The following SLC10A7 variants were observed in gnomAD, a reference collection of about 807,000 sequenced individuals.
SLC10A7 encodes solute carrier family 10 member 7.
In SLC10A7, 29 loss-of-function variants were observed where a neutral mutation model predicts 43.2. The ratio of observed to expected loss-of-function variants is 0.67; its 90% CI spans 0.50 to 0.92. The LOEUF is 0.92. SLC10A7 is among the 40% of genes least tolerant of loss of function. The probability of loss-of-function intolerance (pLI) is 0.00; values close to 1 mark genes in which losing one functional copy is unlikely to be tolerated. For synonymous variants in SLC10A7, 152 were observed against 144.8 expected, an observed-to-expected ratio of 1.05 and a Z score of -0.35; for missense variants, 295 against 403.2, an observed-to-expected ratio of 0.73 and a Z score of 2.30.
intron 3 of SLC10A7, 80 bp downstream of exon 3, chr4:146,509,833 T>A (rs1291536247): frequency 1.5e-6 from 2 of 1,353,894 alleles, no homozygotes; most frequent in Admixed American, 4.7e-5. Flanking sequence ...AGCCCTTTTG[T>A]ATATAGTTGC....
At position 146,395,629 on chromosome 4, in the gene SLC10A7, C is replaced by A. The variant is rs957035990; in HGVS notation, c.435+47154G>T. ...TGAGTGAACTGGAGTCAGGTGCTGA[C>A]ACATATATTTGCTCCCAACATACAC... On this transcript the variant is annotated intron_variant, in intron 5 of 11. Coordinates refer to ENST00000335472, the MANE Select transcript of SLC10A7 (RefSeq NM_001029998.6). 1.3e-4 allele frequency among the ~76,000 whole-genome samples: 20 copies of A among 152,154 alleles called. No individual in the cohort carries two copies. In the South Asian group the frequency reaches 2.9e-3, roughly 22 times the overall value.
chr4:146,387,764 T>C (rs1003261918), intron 5 of SLC10A7, among the ~76,000 whole-genome samples: 2 of 152,168 alleles, frequency 1.3e-5, no homozygotes, highest in Non-Finnish European at 2.9e-5. Context: ...CAAAAATCAG[T>C]AACATTTCTA....
At chr4:146,442,190 G>A (rs184304718) in intron 5 of SLC10A7, 129 of 966,638 alleles carry the variant, frequency 1.3e-4, no homozygotes, top group Admixed American at 3.1e-4. Flanking sequence ...CTAAAACAAC[G>A]TCCTTATATT....
chr4:146,409,466 A>C (rs1232070206), intron 5 of SLC10A7, among the ~76,000 whole-genome samples: 1 of 151,056 alleles, frequency 6.6e-6, no homozygotes, highest in African/African-American at 2.4e-5. Flanking sequence ...GCTGGGAGGG[A>C]GGGGGATAGA....
chr4:146,385,246 C>A (rs1431419696), intron 5 of SLC10A7, among the ~76,000 whole-genome samples: 1 of 152,054 alleles, frequency 6.6e-6, no homozygotes, highest in Non-Finnish European at 1.5e-5. Flanking sequence ...TTCTGTGTGG[C>A]AGGTGCTTCA....
chr4:146,351,143 A>C (rs1377182217), intron 5 of SLC10A7, among the ~76,000 whole-genome samples: 16 of 148,732 alleles, frequency 1.1e-4, no homozygotes, highest in South Asian at 2.1e-4. Flanking sequence ...AAAAAAATTT[A>C]GAAGAATGTA....
chr4:146,468,395 G>A (rs2149956034), intron 4 of SLC10A7, among the ~76,000 whole-genome samples: 1 of 151,948 alleles, frequency 6.6e-6, no homozygotes, highest in South Asian at 2.1e-4. Flanking sequence ...ATTTTAATGT[G>A]GGAAAAAGGA....
intron 5 of SLC10A7, among the ~76,000 whole-genome samples, chr4:146,432,744 A>G (rs1412705618): frequency 6.6e-6 from 1 of 152,192 alleles, no homozygotes; most frequent in Non-Finnish European, 1.5e-5. Context: ...CTGTATAGAA[A>G]TTATACCTCA....
rs1347619135 is a variant in SLC10A7, at chr4:146,351,176, C to G, written c.436-25180G>C. Reference sequence around the variant, plus strand: ...GTATAACTAGAATAACCAATACAGACAAGTGCTTAAAGGAGCTGATGGAGC... The same window carrying G: ...GTATAACTAGAATAACCAATACAGAGAAGTGCTTAAAGGAGCTGATGGAGC... On this transcript the variant is annotated intron_variant, in intron 5 of 11. Transcript: ENST00000335472. Among the ~76,000 whole-genome samples, 506 of 150,234 alleles carry G rather than the reference C, an allele frequency of 3.4e-3. 4 individuals carry two copies. The highest frequency in any genetic ancestry group is 0.012 in the African/African-American group (474 of 40,050).
At chr4:146,386,981 A>G (rs184375823) in intron 5 of SLC10A7, among the ~76,000 whole-genome samples, 38 of 152,378 alleles carry the variant, frequency 2.5e-4, no homozygotes, top group East Asian at 1.2e-3. Context: ...AAATCACTGA[A>G]TAAATGTATG....
chr4:146,364,921 T>C (rs547700133), intron 5 of SLC10A7, among the ~76,000 whole-genome samples: 107 of 152,170 alleles, frequency 7.0e-4, no homozygotes, highest in African/African-American at 2.6e-3. Context: ...TACATATCTA[T>C]AAAAGTTAAA....
chr4:146,371,790 G>A (rs150164465), intron 5 of SLC10A7, among the ~76,000 whole-genome samples: 224 of 152,238 alleles, frequency 1.5e-3, no homozygotes, highest in African/African-American at 4.5e-3. Flanking sequence ...GGCCTCACTT[G>A]TAATAAGTAT....
intron 5 of SLC10A7, among the ~76,000 whole-genome samples, chr4:146,351,754 T>G (rs2149745318): frequency 7.0e-6 from 1 of 143,034 alleles, no homozygotes; most frequent in Admixed American, 6.9e-5. Flanking sequence ...GAAAAGAATT[T>G]TCAACCCAGA....
chr4:146,316,906 T>A (rs1214419123), intron 6 of SLC10A7, among the ~76,000 whole-genome samples: 1 of 152,104 alleles, frequency 6.6e-6, no homozygotes, highest in African/African-American at 2.4e-5. Flanking sequence ...AATGTAACAT[T>A]TGCTTGGCTC....
intron 5 of SLC10A7, among the ~76,000 whole-genome samples, chr4:146,402,751 A>G (rs1739310692): frequency 6.6e-6 from 1 of 152,158 alleles, no homozygotes; most frequent in Non-Finnish European, 1.5e-5. Flanking sequence ...AAGACATTCC[A>G]TTTTGGGGGG....
intron 4 of SLC10A7, among the ~76,000 whole-genome samples, chr4:146,450,950 CT>C (rs1731528465): frequency 6.6e-6 from 1 of 151,166 alleles, no homozygotes; most frequent in Admixed American, 6.6e-5. Flanking sequence ...TGTGAGAAAG[CT>C]GTATGACAAG....
At chr4:146,342,103 G>A (rs959188090) in intron 5 of SLC10A7, among the ~76,000 whole-genome samples, 1 of 151,618 alleles carries the variant, frequency 6.6e-6, no homozygotes, top group Non-Finnish European at 1.5e-5. Flanking sequence ...AATTTATACA[G>A]TTTTCTTAAG....
intron 5 of SLC10A7, among the ~76,000 whole-genome samples, chr4:146,371,093 T>A (rs1022632110): frequency 5.9e-5 from 9 of 152,330 alleles, no homozygotes; most frequent in African/African-American, 2.2e-4. Flanking sequence ...ATAGATATGC[T>A]TCTTGCCCAC....
intron 5 of SLC10A7, among the ~76,000 whole-genome samples, chr4:146,387,248 C>A (rs998306251): frequency 2.0e-5 from 3 of 152,154 alleles, no homozygotes; most frequent in Non-Finnish European, 4.4e-5. Context: ...AATTTAGCAG[C>A]ACATCGAAAA....
Sources: gnomAD v4.1 joint callset for allele counts (sites outside exome capture counted in the v4.1 genomes callset) on GRCh38, gnomAD v4.1.1 for gene constraint, MANE v1.5 for transcripts, NCBI Gene and HGNC (gene_info 2026-07-23, HGNC 2026-07-21) for gene names.